The following EHMT2 variants were observed in gnomAD, a reference collection of about 807,000 sequenced individuals.
The protein encoded by EHMT2 is histone-lysine N-methyltransferase EHMT2.
EHMT2 carries 59 observed loss-of-function variants against 143.3 expected under a neutral mutation model. The ratio of observed to expected loss-of-function variants is 0.41; its 90% CI spans 0.33 to 0.51. EHMT2 has a LOEUF of 0.51. EHMT2 is among the 20% of genes least tolerant of loss of function. The probability of loss-of-function intolerance (pLI) is 0.18; values close to 1 mark genes in which losing one functional copy is unlikely to be tolerated. For missense variants in EHMT2, 1,174 were observed against 1,645.9 expected, an observed-to-expected ratio of 0.71 and a Z score of 4.96; for synonymous variants, 604 against 651.5, an observed-to-expected ratio of 0.93 and a Z score of 1.11.
chr6:31,894,778 A>T (rs1268368072), intron 4 of EHMT2, among the ~76,000 whole-genome samples: 2 of 151,744 alleles, frequency 1.3e-5, no homozygotes, highest in African/African-American at 4.8e-5. Context: ...ACTAGCTGGG[A>T]TTACAGGCGC....
At chr6:31,894,305 G>A (rs953679853) in intron 4 of EHMT2, among the ~76,000 whole-genome samples, 1 of 152,048 alleles carries the variant, frequency 6.6e-6, no homozygotes, top group East Asian at 1.9e-4. Context: ...GTACCACCAT[G>A]CCCGGCTAAT....
chr6:31,888,957 A>G lies in EHMT2; in HGVS notation c.1216+12T>C, dbSNP rs1425927173. On this transcript the variant is annotated intron_variant, in intron 10 of 27. Coordinates refer to ENST00000375537, the Ensembl canonical transcript of EHMT2. The surrounding 1 kb of genome is among the most constrained non-coding windows in gnomAD (Gnocchi z 7.4). ...CCCCTAGTGGCTCCCTGTCCCGGCA[A>G]TTGGCAATTACCAGCGTGGTTGGGG... The G allele has an allele frequency of 1.9e-6, 3 of 1,592,158 alleles. No homozygotes were observed. Among genetic ancestry groups the G allele is most frequent in the African/African-American group, 2.7e-5 (2 of 74,580 alleles).
At chr6:31,892,834 A>C in exon 5 of EHMT2, 7 of 1,606,574 alleles carry the variant, frequency 4.4e-6, no homozygotes, top group Non-Finnish European at 6.0e-6. Flanking sequence ...ACCTGAGGTC[A>C]CCTTTCCCAG....
At chr6:31,893,001 G>A in intron 4 of EHMT2, 91 bp from the exon 5 acceptor site, 2 of 745,566 alleles carry the variant, frequency 2.7e-6, no homozygotes, top group Non-Finnish European at 4.3e-6. Context: ...GTGGGGTAGT[G>A]AGCCACACCT....
At chr6:31,893,967 T>G (rs549930572) in intron 4 of EHMT2, among the ~76,000 whole-genome samples, 1 of 152,090 alleles carries the variant, frequency 6.6e-6, no homozygotes, top group Non-Finnish European at 1.5e-5. Flanking sequence ...TACTTAAAAA[T>G]GTTTTTTATT....
In EHMT2 at chr6:31,884,360, G is replaced by C. The variant is rs759056207; in HGVS notation, c.2771+32C>G. ...GGAGGGTATGGGTGGGGAGGAGGTG[G>C]TCTTGGGTGCAGAGAGGGGCCCAGG... On this transcript the variant is annotated intron_variant, in intron 21 of 27. Transcript: ENST00000375537. The surrounding 1 kb of genome is among the most constrained non-coding windows in gnomAD (Gnocchi z 7.3). The C allele has an allele frequency of 4.4e-6, 7 of 1,592,404 alleles. No individual in the cohort carries two copies. Among genetic ancestry groups the C allele is most frequent in the Non-Finnish European group, 6.0e-6 (7 of 1,169,004 alleles).
intron 7 of EHMT2, among the ~76,000 whole-genome samples, chr6:31,890,180 A>G (rs1475667310): frequency 1.3e-5 from 2 of 152,114 alleles, no homozygotes; most frequent in Non-Finnish European, 2.9e-5. Context: ...TCTCCACCCA[A>G]TCAGCCAACT....
rs754408238 is a variant in EHMT2 at position 31,888,366 on chromosome 6, C to G, written c.1506G>C (p.Thr502=). Residue 502 remains threonine, a synonymous_variant, in exon 12 of 28, where the codon ACG becomes ACC. Coordinates refer to ENST00000375537, the Ensembl canonical transcript of EHMT2. This position sits in a 1 kb window ranked among gnomAD's most constrained non-coding sequence, Gnocchi z 7.4. The stretch of plus-strand genomic sequence containing the variant: ...GTCTGCCCCACTGGTCACTCACCGC[C>G]GTGCAGAAGTAGCCGCAGCCCGGGC... The G allele has an allele frequency of 6.2e-6, 10 of 1,612,548 alleles. No individual in the cohort carries two copies. Among genetic ancestry groups the G allele is most frequent in the African/African-American group, 2.7e-5 (2 of 75,038 alleles).
chr6:31,883,582 G>T lies in EHMT2; in HGVS notation c.2917-143C>A. The T allele has an allele frequency of 1.0e-6, 1 of 999,998 alleles. No homozygotes were observed. The highest frequency in any genetic ancestry group is 2.6e-5 in the East Asian group (1 of 39,036). The allele number at this position is 999,998 out of a possible 1,614,324, so 61.9% of individuals were successfully genotyped here. On this transcript the variant is annotated intron_variant, in intron 22 of 27. Coordinates refer to ENST00000375537, the Ensembl canonical transcript of EHMT2. This position sits in a 1 kb window ranked among gnomAD's most constrained non-coding sequence, Gnocchi z 5.6. ...TGGGTGGTGATGGTCCTAGGGTGAC[G>T]GGTAATCAGTATGGTGGTGTCCCCA...
At position 31,880,180 on chromosome 6, in the gene EHMT2, G is replaced by A. The variant is rs149423729; in HGVS notation, c.3537C>T (p.Ala1179=). 34 of 1,612,892 alleles carry A rather than the reference G, an allele frequency of 2.1e-5. 1 individual carries two copies. In the African/African-American group the frequency reaches 2.5e-4, roughly 12 times the overall value. Residue 1179 remains alanine (A), a synonymous_variant, in exon 28 of 28, where the codon GCC becomes GCT. Transcript: ENST00000375537. This position sits in a 1 kb window ranked among gnomAD's most constrained non-coding sequence, Gnocchi z 6.6. ...GGCTCTGCTCCAGGGCAATGGCTTC[G>A]GCTGAGTGCTTGCACTTCTCAGAGC...
Position 31,886,451 on chromosome 6 carries a change from G to C in EHMT2, c.2343+130C>G, listed in dbSNP as rs571342253. On this transcript the variant is annotated intron_variant, in intron 18 of 27. Coordinates refer to ENST00000375537, the Ensembl canonical transcript of EHMT2. ...AATGAAGAGAAATACAAATGAGGAA[G>C]AAGAAAGCAATGAGGACAGACACGA... 15 of 691,430 alleles carry C rather than the reference G, an allele frequency of 2.2e-5. No individual in the cohort carries two copies. In the Admixed American group the frequency reaches 3.4e-4, roughly 16 times the overall value. 42.8% of individuals were successfully genotyped at this position (691,430 alleles called of 1,614,324 possible).
At position 31,881,500 on chromosome 6, in the gene EHMT2, C is replaced by A. The variant is rs570876755; in HGVS notation, c.3198-408G>T. The A allele has an allele frequency of 3.8e-4, 109 of 285,566 alleles. No homozygotes were observed. The highest frequency in any genetic ancestry group is 2.3e-3 in the African/African-American group (107 of 46,858). The allele number at this position is 285,566 out of a possible 1,614,324, so 17.7% of individuals were successfully genotyped here. On this transcript the variant is annotated intron_variant, in intron 25 of 27. Coordinates refer to ENST00000375537, the Ensembl canonical transcript of EHMT2. The surrounding 1 kb of genome is among the most constrained non-coding windows in gnomAD (Gnocchi z 4.8). ...AAGGAACTCAAGGCATGATTCGGGG[C>A]AAGAGCACCCACACATATCTGGACA...
chr6:31,896,176 T>G lies in EHMT2; in HGVS notation c.582+87A>C, dbSNP rs1295168567. ...CCCCTTGCTTAAATATGTGAATGAG[T>G]AAATGGAGTAGAAGCCTTAAGTGAA... On this transcript the variant is annotated intron_variant, in intron 4 of 27. Coordinates refer to ENST00000375537, the Ensembl canonical transcript of EHMT2. The G allele has an allele frequency of 3.3e-6, 5 of 1,511,724 alleles. No homozygotes were observed. The African/African-American group carries it at 5.6e-5, about 17-fold the overall frequency. The allele number at this position is 1,511,724 out of a possible 1,614,324, so 93.6% of individuals were successfully genotyped here.
chr6:31,883,741 G>T lies in EHMT2; in HGVS notation c.2916+65C>A. ...GGCCAGGTGCCTTTGCTGGTTTGAA[G>T]CTTGTCCAACTGTACTTGGCAGCTC... On this transcript the variant is annotated intron_variant, in intron 22 of 27. Transcript: ENST00000375537. The surrounding 1 kb of genome is among the most constrained non-coding windows in gnomAD (Gnocchi z 5.6). 2 of 1,581,362 alleles carry T rather than the reference G, an allele frequency of 1.3e-6. No individual in the cohort carries two copies. Among genetic ancestry groups the T allele is most frequent in the Non-Finnish European group, 1.7e-6 (2 of 1,159,650 alleles).
rs957929314 is a variant in EHMT2 at position 31,883,277 on chromosome 6, C to T, written c.2994+85G>A. ...CCCCCACAGGGTAGGAGGTGAGGGACATGGTCCCAGGGAGCTGGTTTATTG... is the reference window on the plus strand; with the variant it reads ...CCCCCACAGGGTAGGAGGTGAGGGATATGGTCCCAGGGAGCTGGTTTATTG... On this transcript the variant is annotated intron_variant, in intron 23 of 27. Coordinates refer to ENST00000375537, the Ensembl canonical transcript of EHMT2. This position sits in a 1 kb window ranked among gnomAD's most constrained non-coding sequence, Gnocchi z 5.6. 20 of 1,383,084 alleles carry T rather than the reference C, an allele frequency of 1.4e-5. No homozygotes were observed. The East Asian group carries it at 4.3e-4, about 30-fold the overall frequency. 85.7% of individuals were successfully genotyped at this position (1,383,084 alleles called of 1,614,324 possible). A position where few individuals can be genotyped will look rare whatever the true frequency, so the allele number is the denominator to read the frequency against.
At chr6:31,897,221 A>AGGAGGG in intron 1 of EHMT2, 7 of 1,216,802 alleles carry the variant, frequency 5.8e-6, no homozygotes, top group African/African-American at 1.6e-5. Context: ...CCGAGAGAAG[A>AGGAGGG]GGAGGGGGAG....
intron 25 of EHMT2, 119 bp downstream of exon 25, chr6:31,882,580 G>A: frequency 5.0e-6 from 5 of 999,366 alleles, no homozygotes; most frequent in Non-Finnish European, 7.6e-6. Context: ...GCTGGCTGGA[G>A]AGTGGCCAGA....
chr6:31,894,167 A>G lies in EHMT2; in HGVS notation c.583-1257T>C, dbSNP rs546237342. On this transcript the variant is annotated intron_variant, in intron 4 of 27. Coordinates refer to ENST00000375537, the Ensembl canonical transcript of EHMT2. ...TTTTTGTTTTGTTTTTTTTTTTGAG[A>G]CAGAGTTTTGCTCTTGTTGTCCAGG... 5.8e-3 allele frequency among the ~76,000 whole-genome samples: 873 copies of G among 150,088 alleles called. 5 individuals are homozygous for G. Among genetic ancestry groups the G allele is most frequent in the African/African-American group, 0.015 (615 of 40,762 alleles).
exon 18 of EHMT2, chr6:31,886,593 G>T (rs572177565): frequency 6.2e-7 from 1 of 1,612,484 alleles, no homozygotes; most frequent in Non-Finnish European, 8.5e-7. Flanking sequence ...GGGCGTTGAC[G>T]TCCACCTGTC....
Sources: allele counts gnomAD v4.1 joint callset (sites outside exome capture counted in the v4.1 genomes callset), GRCh38; gene constraint gnomAD v4.1.1; non-coding constraint Gnocchi (gnomAD v3.1); transcripts MANE v1.5; gene names NCBI Gene and HGNC (gene_info 2026-07-23, HGNC 2026-07-21).